TMEM79: variants seen among roughly 807,000 people sequenced by gnomAD.
TMEM79 encodes transmembrane protein 79.
TMEM79 carries 30 observed loss-of-function variants against 31.2 expected under a neutral mutation model. That is an observed-to-expected ratio of 0.96 (90% CI 0.72 to 1.30). The LOEUF is 1.30. Ranked by LOEUF, TMEM79 falls within the 50% of genes most tolerant of loss-of-function variation. The pLI is 0.00. For missense variants in TMEM79, 509 were observed against 528.2 expected, an observed-to-expected ratio of 0.96 and a Z score of 0.36; for synonymous variants, 213 against 229.5, an observed-to-expected ratio of 0.93 and a Z score of 0.65.
At position 156,286,464 on chromosome 1, in the gene TMEM79, CCGTCT is replaced by C. The variant is rs1487437016; in HGVS notation, c.964_968del (p.Val322ProfsTer92). On this transcript the variant is annotated frameshift_variant, in exon 3 of 4. Coordinates refer to ENST00000405535, the MANE Select transcript of TMEM79 (RefSeq NM_032323.3). LOFTEE classifies it high-confidence loss of function. ...CTCCCTCTGCTCACTGGTCTCTTTG[CCGTCT>C]CCCGGTAAGTTGGGGCAGAGGGTGG... 6.2e-7 allele frequency: 1 copy of C among 1,614,094 alleles called. No individual in the cohort carries two copies. The highest frequency in any genetic ancestry group is 1.1e-5 in the South Asian group (1 of 91,080).
At chr1:156,289,725 A>C (rs909744360) in intron 3 of TMEM79, among the ~76,000 whole-genome samples, 1 of 152,204 alleles carries the variant, frequency 6.6e-6, no homozygotes, top group Non-Finnish European at 1.5e-5. Context: ...CACAGGTAAA[A>C]AAGAATAGAG....
intron 3 of TMEM79, among the ~76,000 whole-genome samples, chr1:156,289,398 G>A (rs774104172): frequency 2.0e-5 from 3 of 152,220 alleles, no homozygotes; most frequent in Non-Finnish European, 2.9e-5. Context: ...CACCAGGTCA[G>A]GAGATCGAGA....
At position 156,291,520 on chromosome 1, in the gene TMEM79, C is replaced by T. The variant is rs377143328; in HGVS notation, c.1107C>T (p.Leu369=). Residue 369 remains leucine, a synonymous_variant, in exon 4 of 4, where the codon CTC becomes CTT. Transcript: ENST00000405535. ...YMFVVEPERM[L]TATESRLDYP... ...TCGTGGTGGAGCCGGAGCGCATGCT[C>T]ACTGCCACCGAGAGCCGCCTGGACT... 2 of 1,610,350 alleles carry T rather than the reference C, an allele frequency of 1.2e-6. No individual in the cohort carries two copies. The highest frequency in any genetic ancestry group is 1.3e-5 in the African/African-American group (1 of 74,840).
At chr1:156,283,320 C>T (rs1663054368), upstream of TMEM79, among the ~76,000 whole-genome samples, 1 of 152,208 alleles carries the variant, frequency 6.6e-6, no homozygotes, top group Admixed American at 6.5e-5. Flanking sequence ...GGCCCTTCAG[C>T]TCCCCTCCCA....
At position 156,286,465 on chromosome 1, in the gene TMEM79, C is replaced by T. The variant is rs200567478; in HGVS notation, c.963C>T (p.Ala321=). 278 of 1,614,084 alleles carry T rather than the reference C, an allele frequency of 1.7e-4. No individual in the cohort carries two copies. Among genetic ancestry groups the T allele is most frequent in the Middle Eastern group, 8.2e-4 (5 of 6,062 alleles). Residue 321 remains alanine, a synonymous_variant, in exon 3 of 4, where the codon GCC becomes GCT. Coordinates refer to ENST00000405535, the MANE Select transcript of TMEM79 (RefSeq NM_032323.3). Reference sequence around the variant, plus strand: ...TCCCTCTGCTCACTGGTCTCTTTGCCGTCTCCCGGTAAGTTGGGGCAGAGG... The same window carrying T: ...TCCCTCTGCTCACTGGTCTCTTTGCTGTCTCCCGGTAAGTTGGGGCAGAGG... ...KLLPLLTGLF[A]VSRLIYWLTF...
chr1:156,285,749 GC>G lies in TMEM79; in HGVS notation c.524del (p.Ala175ValfsTer5), dbSNP rs747427375. 3.4e-5 allele frequency: 55 copies of G among 1,613,126 alleles called. No homozygotes were observed. Among genetic ancestry groups the G allele is most frequent in the Non-Finnish European group, 4.4e-5 (52 of 1,179,990 alleles). ...THPDPTERKW[A>X]EAVVRPPGCS... ...CCCCGACCCCACTGAGCGCAAGTGG[GC>G]TGAGGCAGTGGTGAGGCCGCCTGGC... On this transcript the variant is annotated frameshift_variant, in exon 2 of 4. Coordinates refer to ENST00000405535, the MANE Select transcript of TMEM79 (RefSeq NM_032323.3). LOFTEE classifies it high-confidence loss of function.
chr1:156,287,623 T>TTC (rs1663206444), intron 3 of TMEM79, among the ~76,000 whole-genome samples: 1 of 146,784 alleles, frequency 6.8e-6, no homozygotes, highest in Non-Finnish European at 1.5e-5. Context: ...TTTTTTTTTT[T>TTC]TTTTTTTTGA....
chr1:156,287,709 T>A (rs886704640), intron 3 of TMEM79, among the ~76,000 whole-genome samples: 12 of 148,266 alleles, frequency 8.1e-5, no homozygotes, highest in Non-Finnish European at 1.8e-4. Flanking sequence ...CTCCACCTAC[T>A]GGGTTCAAGC....
In TMEM79 at chr1:156,286,428, C is replaced by A. The variant is rs1301593999; in HGVS notation, c.926C>A (p.Thr309Asn). The A allele has an allele frequency of 8.7e-6, 14 of 1,614,210 alleles. No homozygotes were observed. The highest frequency in any genetic ancestry group is 1.1e-5 in the Non-Finnish European group (13 of 1,180,046). The change falls in exon 3 of 4, where the codon ACC becomes AAC. Residue 309 changes from threonine to asparagine, a missense_variant. Transcript: ENST00000405535. Reference sequence around the variant, plus strand: ...CTTTCCACTTACCTGCCCCAGGATACCCTCAAACTGCTCCCTCTGCTCACT... The same window carrying A: ...CTTTCCACTTACCTGCCCCAGGATAACCTCAAACTGCTCCCTCTGCTCACT... Reference protein sequence around the residue: ...AVLSTYLPQDTLKLLPLLTGL... With the variant: ...AVLSTYLPQDNLKLLPLLTGL...
chr1:156,283,005 G>T, upstream of TMEM79: 1 of 507,866 alleles, frequency 2.0e-6, no homozygotes, highest in East Asian at 3.2e-5. Flanking sequence ...TATTGGCAAA[G>T]CTATCAGAGA....
chr1:156,290,764 G>C (rs978752370), intron 3 of TMEM79: 1 of 151,594 alleles, frequency 6.6e-6, no homozygotes, highest in Admixed American at 6.6e-5. Context: ...GGGAGGCGGA[G>C]GTTGCAGTGA....
rs147306328 is a variant in TMEM79 at position 156,291,409 on chromosome 1, C to T, written c.996C>T (p.Ala332=). 333 of 1,614,102 alleles carry T rather than the reference C, an allele frequency of 2.1e-4. 2 individuals carry two copies. The highest frequency in any genetic ancestry group is 2.0e-3 in the African/African-American group (147 of 75,038). Residue 332 remains alanine, a synonymous_variant, in exon 4 of 4, where the codon GCC becomes GCT. Coordinates refer to ENST00000405535, the MANE Select transcript of TMEM79 (RefSeq NM_032323.3). Reference sequence around the variant, plus strand: ...GGCTGATCTACTGGCTGACCTTTGCCGTGGGCCGCTCCTTCCGAGGCTTCG... The same window carrying T: ...GGCTGATCTACTGGCTGACCTTTGCTGTGGGCCGCTCCTTCCGAGGCTTCG... The part of the protein sequence containing the change: ...VSRLIYWLTF[A]VGRSFRGFGY...
chr1:156,283,977 C>T (rs1298851074), upstream of TMEM79, among the ~76,000 whole-genome samples: 2 of 152,190 alleles, frequency 1.3e-5, no homozygotes, highest in Non-Finnish European at 2.9e-5. Flanking sequence ...CTGTGTCTGC[C>T]TAGCTAATAA....
In TMEM79 at chr1:156,291,958, C is replaced by T. The variant is rs547888769; in HGVS notation, c.*360C>T. ...GGCTCCCTAATGCTGGTCTCTGCTC[C>T]ACTCCCCGGCTTCCCGTGAGGCAGG... On this transcript the variant is annotated 3_prime_UTR_variant, in exon 4 of 4. Coordinates refer to ENST00000405535, the MANE Select transcript of TMEM79 (RefSeq NM_032323.3). 9 of 505,750 alleles carry T rather than the reference C, an allele frequency of 1.8e-5. No homozygotes were observed. In the East Asian group the frequency reaches 2.5e-4, roughly 14 times the overall value. 31.3% of individuals were successfully genotyped at this position (505,750 alleles called of 1,614,324 possible).
At chr1:156,288,524 G>A (rs1030087123) in intron 3 of TMEM79, among the ~76,000 whole-genome samples, 2 of 151,792 alleles carry the variant, frequency 1.3e-5, no homozygotes, top group Non-Finnish European at 2.9e-5. Context: ...TTTTAGTAGA[G>A]ACAGGGTTTC....
At chr1:156,291,303 T>C in intron 3 of TMEM79, 82 bp from the exon 4 acceptor site, 1 of 1,318,894 alleles carries the variant, frequency 7.6e-7, no homozygotes, top group African/African-American at 1.4e-5. Context: ...CTCCCCTATC[T>C]ACTCCCCCCA....
chr1:156,288,187 G>A (rs1663221501), intron 3 of TMEM79, among the ~76,000 whole-genome samples: 2 of 137,578 alleles, frequency 1.5e-5, no homozygotes, highest in African/African-American at 5.5e-5. Flanking sequence ...GAAAGAGTGA[G>A]ACTCCGTCTC....
At position 156,285,798 on chromosome 1, in the gene TMEM79, G is replaced by A. The variant is rs768421803; in HGVS notation, c.572G>A (p.Ser191Asn). ...GGCTGTTCCTGTGGGGGCTGCGGGAGCTGTGGAGACCGTGAGTGGCTAAGG... is the reference window on the plus strand; with the variant it reads ...GGCTGTTCCTGTGGGGGCTGCGGGAACTGTGGAGACCGTGAGTGGCTAAGG... ...PPGCSCGGCGSCGDREWLRAV... is the reference protein window; with the variant it reads ...PPGCSCGGCGNCGDREWLRAV... Residue 191 changes from serine to asparagine, a missense_variant, in exon 2 of 4, where the codon AGC (serine) becomes AAC (asparagine). Ser to Asn is a conservative substitution (Grantham distance 46). Transcript: ENST00000405535. 1 of 1,613,700 alleles carries A rather than the reference G, an allele frequency of 6.2e-7. No individual in the cohort carries two copies. Among genetic ancestry groups the A allele is most frequent in the South Asian group, 1.1e-5 (1 of 91,080 alleles).
At chr1:156,284,885 G>T (rs537775767) in intron 1 of TMEM79, among the ~76,000 whole-genome samples, 3 of 152,242 alleles carry the variant, frequency 2.0e-5, no homozygotes, top group Admixed American at 1.3e-4. Flanking sequence ...TTGGTGGAGG[G>T]GCATAGAAGG....
Sources: gnomAD v4.1 joint callset for allele counts (sites outside exome capture counted in the v4.1 genomes callset) on GRCh38, gnomAD v4.1.1 for gene constraint, MANE v1.5 for transcripts, NCBI Gene and HGNC (gene_info 2026-07-23, HGNC 2026-07-21) for gene names.